The following KLHL7 variants were observed in gnomAD, a reference collection of about 807,000 sequenced individuals.
The protein encoded by KLHL7 is kelch-like protein 7.
A neutral mutation model predicts 67.4 loss-of-function variants in KLHL7; 44 were observed. The ratio of observed to expected loss-of-function variants is 0.65; its 90% CI spans 0.51 to 0.84. The LOEUF is 0.84. Among genes scored for constraint, KLHL7 ranks in the 40% least tolerant of loss-of-function variants. KLHL7 has a pLI of 0.00. For missense variants in KLHL7, 362 were observed against 718.1 expected (o/e 0.50, Z 5.67); for synonymous variants, 252 against 243.3 (o/e 1.04, Z -0.33).
At chr7:23,159,422 G>C (rs1237279992) in intron 7 of KLHL7, among the ~76,000 whole-genome samples, 2 of 151,924 alleles carry the variant, frequency 1.3e-5, no homozygotes, top group Non-Finnish European at 2.9e-5. Flanking sequence ...CTCCTGCCTT[G>C]GCCTCCCAAA....
At chr7:23,138,211 C>A (rs923929833) in intron 4 of KLHL7, among the ~76,000 whole-genome samples, 5 of 151,144 alleles carry the variant, frequency 3.3e-5, no homozygotes, top group African/African-American at 1.2e-4. Context: ...CACCTGTAAT[C>A]CCAGCACTTT....
chr7:23,121,700 T>A (rs1783350411), intron 1 of KLHL7, among the ~76,000 whole-genome samples: 1 of 149,176 alleles, frequency 6.7e-6, no homozygotes, highest in African/African-American at 2.5e-5. Context: ...TTTTTTTAGT[T>A]GAGATAGAGT....
rs1280245004 is a variant in KLHL7 at position 23,139,786 on chromosome 7, G to A, written c.443-983G>A. The stretch of plus-strand genomic sequence containing the variant: ...TAATTTGTAGTTTTATATAGAAGAG[G>A]GAGCAGACTTTTCCTGTAAAGGATC... On this transcript the variant is annotated intron_variant, in intron 4 of 10. Transcript: ENST00000339077. 3.3e-5 allele frequency among the ~76,000 whole-genome samples: 5 copies of A among 152,248 alleles called. No individual in the cohort carries two copies. In the East Asian group the frequency reaches 9.6e-4, roughly 29 times the overall value.
intron 9 of KLHL7, among the ~76,000 whole-genome samples, chr7:23,172,363 G>A (rs530728475): frequency 3.9e-5 from 6 of 152,226 alleles, no homozygotes; most frequent in African/African-American, 1.2e-4. Flanking sequence ...AGCAACATGA[G>A]GTATTAAACT....
chr7:23,158,096 T>C (rs147463858), intron 7 of KLHL7, among the ~76,000 whole-genome samples: 38 of 152,210 alleles, frequency 2.5e-4, no homozygotes, highest in East Asian at 9.7e-4. Flanking sequence ...TCTCTAGTAG[T>C]TGGGACTTTG....
At chr7:23,162,344 T>C (rs1439629981) in intron 7 of KLHL7, among the ~76,000 whole-genome samples, 1 of 152,196 alleles carries the variant, frequency 6.6e-6, no homozygotes, top group Non-Finnish European at 1.5e-5. Context: ...TAAGATGATG[T>C]TTTAAAATAT....
At chr7:23,139,101 AAAAC>A (rs1336974043) in intron 4 of KLHL7, among the ~76,000 whole-genome samples, 27 of 151,902 alleles carry the variant, frequency 1.8e-4, no homozygotes, top group Non-Finnish European at 2.8e-4. Context: ...AAAAAAAAAA[AAAAC>A]AAGAATACCC....
intron 4 of KLHL7, among the ~76,000 whole-genome samples, chr7:23,138,616 C>A (rs985368273): frequency 5.3e-5 from 8 of 152,116 alleles, no homozygotes; most frequent in Middle Eastern, 3.4e-3. Context: ...CAGCTCACTG[C>A]AACCTCTGCC....
intron 6 of KLHL7, among the ~76,000 whole-genome samples, chr7:23,146,978 TGTAATTTTCTTATGA>T (rs200567819): frequency 0.034 from 5,163 of 152,140 alleles, 111 homozygotes; most frequent in Admixed American, 0.057. Context: ...CTGGAGAATT[TGTAATTTTCTTATGA>T]GTAATTTTCT....
intron 4 of KLHL7, among the ~76,000 whole-genome samples, chr7:23,131,417 G>A (rs1367220897): frequency 6.6e-6 from 1 of 152,082 alleles, no homozygotes; most frequent in Non-Finnish European, 1.5e-5. Context: ...CTTTGAAAAT[G>A]AATCAAGGCT....
intron 1 of KLHL7, among the ~76,000 whole-genome samples, chr7:23,122,919 A>C (rs1219508783): frequency 6.6e-6 from 1 of 152,228 alleles, no homozygotes; most frequent in African/African-American, 2.4e-5. Flanking sequence ...TACATTGTAT[A>C]CACCAAGTTT....
intron 1 of KLHL7, among the ~76,000 whole-genome samples, chr7:23,121,488 CAG>C (rs1158894671): frequency 4.7e-5 from 7 of 149,838 alleles, no homozygotes; most frequent in African/African-American, 1.5e-4. Flanking sequence ...TTTGTAGAGA[CAG>C]AGTTTCATCA....
At chr7:23,110,593 A>G (rs1232377033) in intron 1 of KLHL7, among the ~76,000 whole-genome samples, 3 of 151,316 alleles carry the variant, frequency 2.0e-5, no homozygotes, top group East Asian at 1.9e-4. Flanking sequence ...TAAATTCACT[A>G]CATTTTCTTT....
In KLHL7 at chr7:23,143,870, G is replaced by A; in HGVS notation, c.638G>A (p.Arg213Lys). 1 of 1,614,122 alleles carries A rather than the reference G, an allele frequency of 6.2e-7. No individual in the cohort carries two copies. Among genetic ancestry groups the A allele is most frequent in the Non-Finnish European group, 8.5e-7 (1 of 1,179,996 alleles). Residue 213 changes from arginine to lysine, a missense_variant, in exon 6 of 11, where the codon AGG (arginine) becomes AAG (lysine). This residue lies in a region of KLHL7 where 155 missense variants were observed against 280.8 expected (regional missense o/e 0.55). Transcript: ENST00000339077. ...AEDQVYDAAV[R>K]WLKYDEPNRQ... is the part of the protein sequence containing the mutation. ...CCTTAGGTTTATGATGCTGCAGTCA[G>A]GTGGTTGAAATACGATGAACCTAAT...
chr7:23,115,574 C>T (rs1051290646), intron 1 of KLHL7, among the ~76,000 whole-genome samples: 9 of 151,424 alleles, frequency 5.9e-5, no homozygotes, highest in East Asian at 5.8e-4. Context: ...GATGGAGTCT[C>T]GCTCTGTCGT....
intron 7 of KLHL7, among the ~76,000 whole-genome samples, chr7:23,155,210 T>C (rs1402052869): frequency 6.6e-6 from 1 of 152,174 alleles, no homozygotes; most frequent in African/African-American, 2.4e-5. Flanking sequence ...CCGTGAGAAT[T>C]CATGGCCTGT....
At chr7:23,124,422 A>G (rs1041092657) in intron 2 of KLHL7, among the ~76,000 whole-genome samples, 3 of 151,774 alleles carry the variant, frequency 2.0e-5, no homozygotes, top group African/African-American at 7.3e-5. Flanking sequence ...TGGGAAAAAA[A>G]CAAAATCTAG....
At chr7:23,157,975 C>T (rs61227637) in intron 7 of KLHL7, among the ~76,000 whole-genome samples, 3,416 of 152,148 alleles carry the variant, frequency 0.022, 119 homozygotes, top group African/African-American at 0.078. Flanking sequence ...TGTGTTGTGT[C>T]GTGTTTTTGA....
At chr7:23,127,924 G>A (rs1783637014) in intron 4 of KLHL7, among the ~76,000 whole-genome samples, 1 of 151,510 alleles carries the variant, frequency 6.6e-6, no homozygotes, top group Non-Finnish European at 1.5e-5. Flanking sequence ...AAGCTAAACA[G>A]CCAAAATGAA....
Sources: allele counts gnomAD v4.1 joint callset (sites outside exome capture counted in the v4.1 genomes callset), GRCh38; gene constraint gnomAD v4.1.1; regional missense constraint gnomAD v4.1.1; transcripts MANE v1.5; gene names NCBI Gene and HGNC (gene_info 2026-07-23, HGNC 2026-07-21).